Variants in ZMAT4 observed in about 807,000 individuals in gnomAD.
The protein encoded by ZMAT4 is zinc finger matrin-type 4.
A neutral mutation model predicts 28.7 loss-of-function variants in ZMAT4; 17 were observed. The observed-to-expected ratio is 0.59, with a 90% CI of 0.41 to 0.89. The LOEUF (loss-of-function observed/expected upper bound fraction) is 0.89, where lower values mean the gene tolerates loss of function less well. Among genes scored for constraint, ZMAT4 ranks in the 40% least tolerant of loss-of-function variants. ZMAT4 has a pLI of 0.00. For synonymous variants in ZMAT4, 117 were observed against 109.2 expected (o/e 1.07, Z -0.44); for missense variants, 240 against 283.8 (o/e 0.85, Z 1.11).
intron 1 of ZMAT4, among the ~76,000 whole-genome samples, chr8:40,850,202 G>T (rs963236001): frequency 6.6e-6 from 1 of 151,882 alleles, no homozygotes; most frequent in African/African-American, 2.4e-5. Context: ...GCCCTCCCTT[G>T]CTTCAAGCCT....
At chr8:40,584,313 A>G (rs570817739) in intron 5 of ZMAT4, among the ~76,000 whole-genome samples, 2 of 152,220 alleles carry the variant, frequency 1.3e-5, no homozygotes, top group South Asian at 4.2e-4. Context: ...CAAAGAAGAA[A>G]AGCAAAAGCT....
chr8:40,806,966 T>C (rs1326010383), intron 2 of ZMAT4, among the ~76,000 whole-genome samples: 1 of 151,962 alleles, frequency 6.6e-6, no homozygotes, highest in Admixed American at 6.6e-5. Context: ...GTCACCCACC[T>C]TTAGGATCTT....
intron 5 of ZMAT4, among the ~76,000 whole-genome samples, chr8:40,636,808 G>A (rs1181445281): frequency 1.3e-5 from 2 of 152,096 alleles, no homozygotes; most frequent in Non-Finnish European, 2.9e-5. Flanking sequence ...AGGGACTGGG[G>A]CCCCAGGATC....
At position 40,534,081 on chromosome 8, in the gene ZMAT4, GT is replaced by G. The variant is rs545687346; in HGVS notation, c.675-1844del. On this transcript the variant is annotated intron_variant, in intron 6 of 6. Coordinates refer to ENST00000297737, the MANE Select transcript of ZMAT4 (RefSeq NM_024645.3). Reference sequence around the variant, plus strand: ...TAGTTAGAGAAAATCAGATGAAAGGGTTTTTTTTTTAAACTTATAGTAAAAG... The same window carrying G: ...TAGTTAGAGAAAATCAGATGAAAGGGTTTTTTTTTAAACTTATAGTAAAAG... 1.5e-3 allele frequency among the ~76,000 whole-genome samples: 222 copies of G among 149,140 alleles called. 1 individual carries two copies. The highest frequency in any genetic ancestry group is 3.0e-3 in the African/African-American group (122 of 40,676).
chr8:40,605,934 T>A (rs1805564211), intron 5 of ZMAT4, among the ~76,000 whole-genome samples: 1 of 152,214 alleles, frequency 6.6e-6, no homozygotes, highest in Non-Finnish European at 1.5e-5. Context: ...ATGTCCCTCT[T>A]TGTCTTTTTA....
At chr8:40,682,759 A>G (rs1191046268) in intron 4 of ZMAT4, among the ~76,000 whole-genome samples, 1 of 152,196 alleles carries the variant, frequency 6.6e-6, no homozygotes, top group Non-Finnish European at 1.5e-5. Flanking sequence ...CTGCATTCAT[A>G]TATCGTCAGT....
intron 1 of ZMAT4, among the ~76,000 whole-genome samples, chr8:40,865,261 G>A (rs1371480066): frequency 6.6e-6 from 1 of 152,116 alleles, no homozygotes; most frequent in Non-Finnish European, 1.5e-5. Flanking sequence ...CAAAGTCCAA[G>A]ACAAAAAGGA....
chr8:40,767,041 T>C (rs936912259), intron 3 of ZMAT4, among the ~76,000 whole-genome samples: 4 of 152,166 alleles, frequency 2.6e-5, no homozygotes, highest in Non-Finnish European at 4.4e-5. Context: ...GAGGAAGGAA[T>C]ATTTATTTCA....
intron 6 of ZMAT4, among the ~76,000 whole-genome samples, chr8:40,560,197 TTA>T (rs4038742): frequency 0.13 from 18,141 of 142,120 alleles, 1,174 homozygotes; most frequent in African/African-American, 0.17. Flanking sequence ...TTGTCAAACT[TTA>T]TATATATATA....
In ZMAT4 at chr8:40,531,970, G is replaced by C; in HGVS notation, c.*253C>G. On this transcript the variant is annotated 3_prime_UTR_variant, in exon 7 of 7. Coordinates refer to ENST00000297737, the MANE Select transcript of ZMAT4 (RefSeq NM_024645.3). The stretch of plus-strand genomic sequence containing the variant: ...TATAGGATTATAATTTAGAACATGT[G>C]CTAAATATGTTATCAGGAAAGAATT... The C allele has an allele frequency of 2.8e-6, 1 of 358,208 alleles. No individual in the cohort carries two copies. The highest frequency in any genetic ancestry group is 5.0e-6 in the Non-Finnish European group (1 of 201,020). 22.2% of individuals were successfully genotyped at this position (358,208 alleles called of 1,614,324 possible). A position where few individuals can be genotyped will look rare whatever the true frequency, so the allele number is the denominator to read the frequency against.
At chr8:40,591,454 A>G (rs886665538) in intron 5 of ZMAT4, among the ~76,000 whole-genome samples, 1 of 152,138 alleles carries the variant, frequency 6.6e-6, no homozygotes, top group Non-Finnish European at 1.5e-5. Flanking sequence ...CAGGTCGGTC[A>G]CCCATGTGAC....
At chr8:40,825,186 G>T (rs1159952488) in intron 2 of ZMAT4, among the ~76,000 whole-genome samples, 1 of 152,130 alleles carries the variant, frequency 6.6e-6, no homozygotes, top group African/African-American at 2.4e-5. Context: ...GTTTAACAAA[G>T]GTCTTCTGAG....
intron 3 of ZMAT4, among the ~76,000 whole-genome samples, chr8:40,741,721 T>C (rs1367833774): frequency 6.6e-6 from 1 of 152,150 alleles, no homozygotes; most frequent in Non-Finnish European, 1.5e-5. Context: ...AAATGTGCAT[T>C]GCATTGAATT....
At chr8:40,813,950 T>G (rs1484393799) in intron 2 of ZMAT4, among the ~76,000 whole-genome samples, 1 of 152,206 alleles carries the variant, frequency 6.6e-6, no homozygotes, top group African/African-American at 2.4e-5. Flanking sequence ...TCTAAAAGCC[T>G]TTCCTGCAAT....
chr8:40,713,927 A>G (rs895060629), intron 3 of ZMAT4, among the ~76,000 whole-genome samples: 1 of 150,518 alleles, frequency 6.6e-6, no homozygotes, highest in Non-Finnish European at 1.5e-5. Flanking sequence ...AAACCAAAAA[A>G]AAAAAAAAAA....
At chr8:40,715,308 A>G (rs1161424582) in intron 3 of ZMAT4, among the ~76,000 whole-genome samples, 1 of 152,128 alleles carries the variant, frequency 6.6e-6, no homozygotes, top group African/African-American at 2.4e-5. Context: ...ACTACCAAAC[A>G]GAGCCTTATA....
At chr8:40,684,861 C>A (rs889185566) in intron 4 of ZMAT4, among the ~76,000 whole-genome samples, 1 of 152,052 alleles carries the variant, frequency 6.6e-6, no homozygotes, top group African/African-American at 2.4e-5. Flanking sequence ...GAGTGGAATG[C>A]CTGTGTCTAT....
At chr8:40,797,608 C>A (rs1033714460) in intron 2 of ZMAT4, among the ~76,000 whole-genome samples, 1 of 152,168 alleles carries the variant, frequency 6.6e-6, no homozygotes, top group African/African-American at 2.4e-5. Context: ...CATTACAGGA[C>A]TTCCATGAGC....
intron 1 of ZMAT4, among the ~76,000 whole-genome samples, chr8:40,827,926 C>A (rs893737720): frequency 1.3e-5 from 2 of 152,222 alleles, no homozygotes; most frequent in African/African-American, 4.8e-5. Flanking sequence ...TGGCACCACA[C>A]CAGTCTCCAT....
Sources: gnomAD v4.1 joint callset for allele counts (sites outside exome capture counted in the v4.1 genomes callset) on GRCh38, gnomAD v4.1.1 for gene constraint, MANE v1.5 for transcripts, NCBI Gene and HGNC (gene_info 2026-07-23, HGNC 2026-07-21) for gene names.